Variants in MUC20 observed in about 807,000 individuals in gnomAD.
MUC20 encodes mucin-20.
MUC20 carries 14 observed loss-of-function variants against 23.8 expected under a neutral mutation model. The ratio of observed to expected loss-of-function variants is 0.59; its 90% CI spans 0.39 to 0.92. The LOEUF (loss-of-function observed/expected upper bound fraction) is 0.92, where lower values mean the gene tolerates loss of function less well. MUC20 is among the 40% of genes least tolerant of loss of function. The pLI, the probability that MUC20 is intolerant of heterozygous loss-of-function variation, is 0.00. For synonymous variants in MUC20, 166 were observed against 279.3 expected, an observed-to-expected ratio of 0.59 and a Z score of 4.04; for missense variants, 375 against 668.8, an observed-to-expected ratio of 0.56 and a Z score of 4.85.
chr3:195,729,383 C>T, intron 2 of MUC20: 1 of 359,462 alleles, frequency 2.8e-6, no homozygotes. Flanking sequence ...GTGCTGCGAT[C>T]TCAGATCACC....
At position 195,726,568 on chromosome 3, in the gene MUC20, T is replaced by C; in HGVS notation, c.1965T>C (p.Ser655=). The change falls in exon 2 of 4, where the codon AGT becomes AGC. Residue 655 remains serine, a synonymous_variant. Coordinates refer to ENST00000447234, the MANE Select transcript of MUC20 (RefSeq NM_001282506.2). ...GGACGAGGCCGACCACAGACGTGAG[T>C]GCAGGTAAGTGGCTCCTGCTGGTGA... ...TARTRPTTDV[S]AGENGGFLLL... The C allele has an allele frequency of 1.2e-6, 2 of 1,608,608 alleles. No homozygotes were observed. Among genetic ancestry groups the C allele is most frequent in the South Asian group, 1.1e-5 (1 of 90,584 alleles).
intron 2 of MUC20, among the ~76,000 whole-genome samples, chr3:195,728,674 C>T (rs748783678): frequency 6.6e-6 from 1 of 152,036 alleles, no homozygotes; most frequent in African/African-American, 2.4e-5. Flanking sequence ...CAGCACAGAC[C>T]CTTTACGGGT....
At chr3:195,733,015 C>T (rs1158677795) in intron 3 of MUC20, 135 bp from the exon 4 acceptor site, 2 of 900,950 alleles carry the variant, frequency 2.2e-6, no homozygotes, top group Non-Finnish European at 3.5e-6. Context: ...CAGCCTGTGT[C>T]CAGCATGTAG....
chr3:195,721,696 G>A (rs1283828197), intron 1 of MUC20: 1 of 126,304 alleles, frequency 7.9e-6, no homozygotes, highest in Admixed American at 7.9e-5. Flanking sequence ...AAATAGAAAA[G>A]GATTTATTTT....
intron 2 of MUC20, among the ~76,000 whole-genome samples, chr3:195,728,308 A>C (rs1229104341): frequency 2.2e-3 from 331 of 152,300 alleles, no homozygotes; most frequent in African/African-American, 7.5e-3. Flanking sequence ...TTTTAGCAAA[A>C]AGGAATGTAG....
chr3:195,732,429 G>A (rs866907180), intron 3 of MUC20, among the ~76,000 whole-genome samples: 1 of 151,594 alleles, frequency 6.6e-6, no homozygotes, highest in Admixed American at 6.6e-5. Context: ...GCACGATCTC[G>A]GCTCACTGCA....
intron 3 of MUC20, 41 bp downstream of exon 3, chr3:195,729,780 G>A (rs1353192423): frequency 3.2e-6 from 5 of 1,549,406 alleles, no homozygotes; most frequent in Admixed American, 3.8e-5. Context: ...AGAGGAAGGG[G>A]CGAGGTTCGC....
intron 1 of MUC20, chr3:195,721,915 T>A (rs1487216101): frequency 6.5e-6 from 1 of 153,474 alleles, no homozygotes; most frequent in East Asian, 1.9e-4. Context: ...TAATCCCAGC[T>A]ACTCGGGAGG....
intron 2 of MUC20, among the ~76,000 whole-genome samples, chr3:195,727,083 A>G (rs1419058068): frequency 6.6e-6 from 1 of 152,282 alleles, no homozygotes; most frequent in Non-Finnish European, 1.5e-5. Context: ...CCTGGGATTT[A>G]TGCCATAGAT....
At chr3:195,729,614 C>A in intron 2 of MUC20, 34 bp from the exon 3 acceptor site, 5 of 1,547,874 alleles carry the variant, frequency 3.2e-6, no homozygotes, top group Non-Finnish European at 4.4e-6. Context: ...CTGCGCCCAG[C>A]CCTGATTTTC....
At chr3:195,723,482 G>C (rs1321774762) in intron 1 of MUC20, among the ~76,000 whole-genome samples, 31 of 114,042 alleles carry the variant, frequency 2.7e-4, no homozygotes, top group South Asian at 5.2e-4. Flanking sequence ...TTCCAAGACT[G>C]GGATTACCAG....
At position 195,733,195 on chromosome 3, in the gene MUC20, T is replaced by C. The variant is rs1206241146; in HGVS notation, c.2107T>C (p.Leu703=). The change falls in exon 4 of 4, where the codon TTA becomes CTA. Residue 703 remains leucine, a synonymous_variant. Transcript: ENST00000447234. ...CCACGCGCCTCACTTCCAGGTCTCC[T>C]TACTGCGTGTCAGGAGAGGCTAACG... is the stretch of plus-strand genomic sequence containing the variant. ...HAHAPHFQVS[L]LRVRRG 1 of 1,594,638 alleles carries C rather than the reference T, an allele frequency of 6.3e-7. No homozygotes were observed.
In MUC20 at chr3:195,733,285, C is replaced by G; in HGVS notation, c.*67C>G. On this transcript the variant is annotated 3_prime_UTR_variant, in exon 4 of 4. Coordinates refer to ENST00000447234, the MANE Select transcript of MUC20 (RefSeq NM_001282506.2). ...AGGGTGCTGCCCCTAGCCTGGGCCC[C>G]CACCGACAGACTGCAGCTGCGTTAC... is the stretch of plus-strand genomic sequence containing the variant. The G allele has an allele frequency of 6.4e-7, 1 of 1,552,972 alleles. No homozygotes were observed. Among genetic ancestry groups the G allele is most frequent in the Non-Finnish European group, 8.7e-7 (1 of 1,147,860 alleles).
intron 1 of MUC20, among the ~76,000 whole-genome samples, chr3:195,723,508 T>C (rs1712357698): frequency 1.7e-5 from 2 of 117,006 alleles, no homozygotes; most frequent in South Asian, 2.5e-4. Context: ...ACACAGGGCA[T>C]CCAGTTACAT....
chr3:195,729,017 C>A (rs958517262), intron 2 of MUC20, among the ~76,000 whole-genome samples: 8 of 152,278 alleles, frequency 5.3e-5, no homozygotes, highest in Admixed American at 3.3e-4. Flanking sequence ...AAGTACAGGT[C>A]TTTTTCAAAA....
chr3:195,733,089 G>C lies in MUC20; in HGVS notation c.2062-61G>C, dbSNP rs1027017258. 4.6e-5 allele frequency: 71 copies of C among 1,529,008 alleles called. No individual in the cohort carries two copies. The Admixed American group carries it at 1.4e-3, about 30-fold the overall frequency. The allele number at this position is 1,529,008 out of a possible 1,614,324, so 94.7% of individuals were successfully genotyped here. A position where few individuals can be genotyped will look rare whatever the true frequency, so the allele number is the denominator to read the frequency against. On this transcript the variant is annotated intron_variant, in intron 3 of 3. Transcript: ENST00000447234. ...GCCCCAGTGTCCCTTCCTGTCCTCT[G>C]CCTCTGGCGAGCTCATGGGCCAGAT...
rs183476490 is a variant in MUC20 at position 195,728,447 on chromosome 3, T to C, written c.1970-1201T>C. Among the ~76,000 whole-genome samples the C allele has an allele frequency of 4.4e-3, 677 of 152,162 alleles. 2 individuals carry two copies. The highest frequency in any genetic ancestry group is 7.3e-3 in the Non-Finnish European group (498 of 67,930). ...CACGTAGGCCAGATTTATGTTTCTCTCCACCCAAACATCTCAGCAGAGTAA... is the reference window on the plus strand; with the variant it reads ...CACGTAGGCCAGATTTATGTTTCTCCCCACCCAAACATCTCAGCAGAGTAA... On this transcript the variant is annotated intron_variant, in intron 2 of 3. Transcript: ENST00000447234.
chr3:195,732,038 C>CT (rs1436529819), intron 3 of MUC20, among the ~76,000 whole-genome samples: 2 of 150,560 alleles, frequency 1.3e-5, no homozygotes, highest in Non-Finnish European at 3.0e-5. Context: ...GAGTCTCACT[C>CT]TGTCATCCAA....
intron 3 of MUC20, 123 bp downstream of exon 3, chr3:195,729,862 C>T (rs550487261): frequency 6.6e-5 from 64 of 966,542 alleles, no homozygotes; most frequent in Non-Finnish European, 9.1e-5. Context: ...TCGTTTCTTA[C>T]GGAGAATTGG....
Sources: gnomAD v4.1 joint callset for allele counts (sites outside exome capture counted in the v4.1 genomes callset) on GRCh38, gnomAD v4.1.1 for gene constraint, MANE v1.5 for transcripts, NCBI Gene and HGNC (gene_info 2026-07-23, HGNC 2026-07-21) for gene names.